Variants in CADM2 observed in about 807,000 individuals in gnomAD.
CADM2 encodes cell adhesion molecule 2, also known as immunoglobulin superfamily member 4D.
CADM2 carries 12 observed loss-of-function variants against 49.8 expected under a neutral mutation model. The observed-to-expected ratio is 0.24, with a 90% CI of 0.15 to 0.39. CADM2 has a LOEUF of 0.39. Among genes scored for constraint, CADM2 ranks in the 10% least tolerant of loss-of-function variants. The pLI is 1.00. For synonymous variants in CADM2, 214 were observed against 175.4 expected (o/e 1.22, Z -1.74); for missense variants, 378 against 492.3 (o/e 0.77, Z 2.20).
At chr3:85,321,853 G>A (rs2044620258) in intron 1 of CADM2, among the ~76,000 whole-genome samples, 2 of 152,048 alleles carry the variant, frequency 1.3e-5, no homozygotes, top group African/African-American at 2.4e-5. Flanking sequence ...ATGCATTTTT[G>A]GATCAAATAA....
chr3:85,147,078 T>TC (rs2039767903), intron 1 of CADM2, among the ~76,000 whole-genome samples: 1 of 151,742 alleles, frequency 6.6e-6, no homozygotes, highest in Non-Finnish European at 1.5e-5. Context: ...GTCAAGACCA[T>TC]CCTGGCTAAC....
chr3:85,685,766 G>T (rs1407482354), intron 1 of CADM2, among the ~76,000 whole-genome samples: 1 of 151,688 alleles, frequency 6.6e-6, no homozygotes, highest in African/African-American at 2.4e-5. Context: ...TGGGACTACA[G>T]GGCACGTGCC....
intron 8 of CADM2, among the ~76,000 whole-genome samples, chr3:86,042,924 C>T (rs1243148822): frequency 6.6e-6 from 1 of 152,236 alleles, no homozygotes; most frequent in African/African-American, 2.4e-5. Flanking sequence ...GCTGGTTCAA[C>T]ATATGCAAAT....
chr3:85,092,930 G>C (rs903627461), intron 1 of CADM2, among the ~76,000 whole-genome samples: 1 of 152,064 alleles, frequency 6.6e-6, no homozygotes, highest in Non-Finnish European at 1.5e-5. Flanking sequence ...GAAATCTACA[G>C]TTTGTCAGGT....
At chr3:85,990,848 A>G (rs752096285) in intron 8 of CADM2, among the ~76,000 whole-genome samples, 16 of 152,160 alleles carry the variant, frequency 1.1e-4, no homozygotes, top group Non-Finnish European at 4.4e-5. Flanking sequence ...TTAAGCTATG[A>G]ATATGTCTCT....
At chr3:85,270,906 A>G (rs1559752401) in intron 1 of CADM2, among the ~76,000 whole-genome samples, 1 of 151,504 alleles carries the variant, frequency 6.6e-6, no homozygotes, top group Admixed American at 6.6e-5. Flanking sequence ...TTCAATGAGT[A>G]TAAACATGAA....
At chr3:85,725,548 T>C (rs1447660920) in intron 1 of CADM2, among the ~76,000 whole-genome samples, 1 of 152,024 alleles carries the variant, frequency 6.6e-6, no homozygotes, top group East Asian at 1.9e-4. Flanking sequence ...TAAGTCAAAG[T>C]AGACTATATC....
intron 1 of CADM2, among the ~76,000 whole-genome samples, chr3:85,123,043 A>C (rs1305193400): frequency 6.6e-6 from 1 of 152,142 alleles, no homozygotes; most frequent in Non-Finnish European, 1.5e-5. Flanking sequence ...TTCCATGAAA[A>C]AGATACATGA....
intron 8 of CADM2, among the ~76,000 whole-genome samples, chr3:85,990,893 T>C (rs58261433): frequency 0.038 from 5,761 of 152,228 alleles, 230 homozygotes; most frequent in East Asian, 0.11. Context: ...TGTGGCACAT[T>C]ATGCCAACCC....
At chr3:85,909,952 T>A (rs1305358987) in intron 5 of CADM2, among the ~76,000 whole-genome samples, 1 of 152,216 alleles carries the variant, frequency 6.6e-6, no homozygotes, top group Non-Finnish European at 1.5e-5. Context: ...CTCAATGTTT[T>A]TTCTGTTCAT....
intron 8 of CADM2, among the ~76,000 whole-genome samples, chr3:86,025,304 G>T (rs555657535): frequency 6.6e-6 from 1 of 152,032 alleles, no homozygotes; most frequent in African/African-American, 2.4e-5. Context: ...TGATCTGCCC[G>T]CCTCGGCCTC....
At chr3:85,486,197 T>G (rs2039407964) in intron 1 of CADM2, among the ~76,000 whole-genome samples, 1 of 152,154 alleles carries the variant, frequency 6.6e-6, no homozygotes, top group African/African-American at 2.4e-5. Flanking sequence ...CTTGAGAACA[T>G]TATTCTTTCA....
intron 1 of CADM2, among the ~76,000 whole-genome samples, chr3:85,360,082 T>C (rs1272545994): frequency 6.6e-6 from 1 of 151,832 alleles, no homozygotes; most frequent in Non-Finnish European, 1.5e-5. Flanking sequence ...TACAAAATAA[T>C]TTTTTTCATT....
rs367894364 is a variant in CADM2, at chr3:85,215,352, CTT to C, written c.61+255689_61+255690del. On this transcript the variant is annotated intron_variant, in intron 1 of 9. Transcript: ENST00000383699. ...CTAAGTTGCAACACCAAAGTTCTCT[CTT>C]TTTTAAAAAAAAAAAAAAAAAAAAA... Among the ~76,000 whole-genome samples the C allele has an allele frequency of 2.6e-4, 29 of 109,830 alleles. 1 individual carries two copies. Among genetic ancestry groups the C allele is most frequent in the African/African-American group, 8.6e-4 (23 of 26,882 alleles). 72.1% of individuals were successfully genotyped at this position (109,830 alleles called of 152,430 possible). A position where few individuals can be genotyped will look rare whatever the true frequency, so the allele number is the denominator to read the frequency against.
chr3:85,880,892 C>T (rs907652243), intron 3 of CADM2, among the ~76,000 whole-genome samples: 1 of 152,154 alleles, frequency 6.6e-6, no homozygotes, highest in Admixed American at 6.6e-5. Flanking sequence ...GGGGGTTTCA[C>T]TCAGCTTCTT....
intron 1 of CADM2, among the ~76,000 whole-genome samples, chr3:85,383,582 A>T (rs919193856): frequency 1.8e-4 from 27 of 148,368 alleles, no homozygotes; most frequent in Admixed American, 5.4e-4. Flanking sequence ...CCAGTTAAAT[A>T]ACTGACCACT....
intron 1 of CADM2, among the ~76,000 whole-genome samples, chr3:84,990,377 A>G (rs963926684): frequency 1.3e-5 from 2 of 151,792 alleles, no homozygotes; most frequent in Non-Finnish European, 2.9e-5. Context: ...GTTGAATTCT[A>G]AAGAGGCTAC....
intron 1 of CADM2, among the ~76,000 whole-genome samples, chr3:85,297,201 G>A (rs995636572): frequency 6.6e-6 from 1 of 152,024 alleles, no homozygotes. Context: ...TAAGTAATTT[G>A]TCTTAAGATC....
chr3:85,255,273 G>A lies in CADM2; in HGVS notation c.61+295605G>A, dbSNP rs558024064. Among the ~76,000 whole-genome samples, 3 of 152,070 alleles carry A rather than the reference G, an allele frequency of 2.0e-5. No individual in the cohort carries two copies. In the South Asian group the frequency reaches 6.2e-4, roughly 31 times the overall value. ...TGGTGTCAAATTGCCTGGGTCCATA[G>A]CCTACAGGGTTGTCATTAGCCCAAG... On this transcript the variant is annotated intron_variant, in intron 1 of 9. Transcript: ENST00000383699.
Sources: gnomAD v4.1 joint callset for allele counts (sites outside exome capture counted in the v4.1 genomes callset) on GRCh38, gnomAD v4.1.1 for gene constraint, MANE v1.5 for transcripts, NCBI Gene and HGNC (gene_info 2026-07-23, HGNC 2026-07-21) for gene names.